The following COL6A2 variants were observed in gnomAD, a reference collection of about 807,000 sequenced individuals.
The protein encoded by COL6A2 is collagen type VI alpha 2 chain, also known as collagen alpha-2(VI) chain.
COL6A2 carries 90 observed loss-of-function variants against 124.9 expected under a neutral mutation model. The ratio of observed to expected loss-of-function variants is 0.72; its 90% confidence interval spans 0.61 to 0.86. The LOEUF is 0.86. Ranked by LOEUF, COL6A2 falls within the 40% of genes least tolerant of loss-of-function variation. The probability of loss-of-function intolerance (pLI) is 0.00; values close to 1 mark genes in which losing one functional copy is unlikely to be tolerated. For missense variants in COL6A2, 1,607 were observed against 1,502.5 expected (o/e 1.07, Z -1.15); for synonymous variants, 793 against 618.2 (o/e 1.28, Z -4.19).
chr21:46,099,911 T>TTTTTTTTC (rs2078270769), intron 1 of COL6A2, among the ~76,000 whole-genome samples: 1 of 141,438 alleles, frequency 7.1e-6, no homozygotes, highest in South Asian at 2.2e-4. Flanking sequence ...TTTTTTTTTT[T>TTTTTTTTC]TCTCATTTCA....
Position 46,126,048 on chromosome 21 carries a change from C to A in COL6A2, c.2233C>A (p.Arg745=), listed in dbSNP as rs140643748. 6.2e-7 allele frequency: 1 copy of A among 1,613,036 alleles called. No individual in the cohort carries two copies. The highest frequency in any genetic ancestry group is 1.3e-5 in the African/African-American group (1 of 75,048). The change falls in exon 26 of 28, where the codon CGG becomes AGG. Residue 745 remains arginine (R), a synonymous_variant. Coordinates refer to ENST00000300527, the MANE Select transcript of COL6A2 (RefSeq NM_001849.4). Reference sequence around the variant, plus strand: ...CCCTCGGGACGATGACCTCAACTTGCGGGCGCTGTGCGACCGCGACGTCAC... The same window carrying A: ...CCCTCGGGACGATGACCTCAACTTGAGGGCGCTGTGCGACCGCGACGTCAC... The part of the protein sequence containing the change: ...HDPRDDDLNL[R]ALCDRDVTVT...
intron 1 of COL6A2, among the ~76,000 whole-genome samples, chr21:46,108,003 T>C (rs2078352870): frequency 6.6e-6 from 1 of 152,166 alleles, no homozygotes; most frequent in Non-Finnish European, 1.5e-5. Context: ...TTGACTCTTT[T>C]CATCAATGAT....
intron 21 of COL6A2, among the ~76,000 whole-genome samples, chr21:46,124,296 G>A (rs1480329673): frequency 6.7e-6 from 1 of 148,156 alleles, no homozygotes; most frequent in African/African-American, 2.5e-5. Context: ...TGGGTGATTG[G>A]GCGAATGGGC....
chr21:46,132,608 T>G lies in COL6A2; in HGVS notation c.*56T>G, dbSNP rs148337125. 33,773 of 1,504,362 alleles carry G rather than the reference T, an allele frequency of 0.022. 463 individuals are homozygous for G. Among genetic ancestry groups the G allele is most frequent in the Non-Finnish European group, 0.025 (28,148 of 1,113,786 alleles). 93.2% of individuals were successfully genotyped at this position (1,504,362 alleles called of 1,614,324 possible). A position where few individuals can be genotyped will look rare whatever the true frequency, so the allele number is the denominator to read the frequency against. ...CGTGAGCCCACCCCGTCCATGGTGC[T>G]AAGCGGGCCCGGGTCCCACACGGCC... On this transcript the variant is annotated 3_prime_UTR_variant, in exon 28 of 28. Coordinates refer to ENST00000300527, the MANE Select transcript of COL6A2 (RefSeq NM_001849.4).
At position 46,132,118 on chromosome 21, in the gene COL6A2, C is replaced by T. The variant is rs387906608; in HGVS notation, c.2626C>T (p.Arg876Cys). 31 of 1,583,324 alleles carry T rather than the reference C, an allele frequency of 2.0e-5. No homozygotes were observed. The highest frequency in any genetic ancestry group is 1.0e-4 in the South Asian group (9 of 87,822). ...ARRDDDPLNA[R>C]VALLQFGGPG... ...GAGGGACGACGACCCTCTCAACGCA[C>T]GCGTGGCGCTGCTGCAGTTTGGTGG... Residue 876 changes from arginine (R) to cysteine (C), a missense_variant, in exon 28 of 28, where the codon CGC becomes TGC. Arg to Cys is a radical substitution (Grantham distance 180, BLOSUM62 -3). Transcript: ENST00000300527.
At chr21:46,121,193 A>G in intron 17 of COL6A2, 70 bp downstream of exon 17, 1 of 1,465,116 alleles carries the variant, frequency 6.8e-7, no homozygotes, top group South Asian at 1.1e-5. Flanking sequence ...ATGTGGGGAC[A>G]GCCTGGAGCT....
chr21:46,125,123 G>A, intron 23 of COL6A2, 143 bp from the exon 24 acceptor site: 2 of 1,035,760 alleles, frequency 1.9e-6, no homozygotes, highest in East Asian at 2.4e-5. Context: ...AGCGAGGTTG[G>A]TAGGGACAGG....
At chr21:46,129,616 C>T (rs1468741401) in intron 27 of COL6A2, 1 of 1,431,946 alleles carries the variant, frequency 7.0e-7, no homozygotes, top group Non-Finnish European at 9.1e-7. Context: ...GGGCTACAGT[C>T]CTTCCAGGGG....
intron 1 of COL6A2, among the ~76,000 whole-genome samples, chr21:46,102,073 C>A (rs940001813): frequency 7.9e-5 from 12 of 152,012 alleles, no homozygotes; most frequent in Admixed American, 3.9e-4. Flanking sequence ...TCTTCAATTT[C>A]TTTCAGAAAT....
chr21:46,118,947 G>A (rs2078518388), intron 13 of COL6A2, 83 bp from the exon 14 acceptor site: 4 of 1,141,782 alleles, frequency 3.5e-6, no homozygotes, highest in Non-Finnish European at 5.3e-6. Context: ...GATAATAGGG[G>A]CTCCACACCA....
In COL6A2 at chr21:46,116,928, C is replaced by CACACACACAG. The variant is rs2078481577; in HGVS notation, c.999+123_999+124insGACACACACA. ...GCTTACACATGTGTACACACGCATA[C>CACACACACAG]ACACACACACACACACACACACACA... On this transcript the variant is annotated intron_variant, in intron 10 of 27. Coordinates refer to ENST00000300527, the MANE Select transcript of COL6A2 (RefSeq NM_001849.4). The surrounding 1 kb of genome is among the most constrained non-coding windows in gnomAD (Gnocchi z 4.6). 1 of 440,148 alleles carries CACACACACAG rather than the reference C, an allele frequency of 2.3e-6. No homozygotes were observed. The highest frequency in any genetic ancestry group is 3.7e-6 in the Non-Finnish European group (1 of 273,210). The allele number at this position is 440,148 out of a possible 1,614,324, so 27.3% of individuals were successfully genotyped here.
At chr21:46,115,754 T>A (rs1331663794) in intron 5 of COL6A2, 118 bp from the exon 6 acceptor site, 27 of 912,014 alleles carry the variant, frequency 3.0e-5, no homozygotes, top group Non-Finnish European at 4.0e-5. Context: ...ACTTCTCCAC[T>A]TGGGCAGGGG....
At chr21:46,120,664 T>TGGGCC in intron 16 of COL6A2, 87 bp downstream of exon 16, 1 of 1,268,754 alleles carries the variant, frequency 7.9e-7, no homozygotes, top group Non-Finnish European at 1.1e-6. Context: ...TGGCCGGGAC[T>TGGGCC]GCACCCCAAG....
chr21:46,121,210 T>TG, intron 17 of COL6A2, 87 bp downstream of exon 17: 4 of 1,335,528 alleles, frequency 3.0e-6, no homozygotes, highest in Non-Finnish European at 4.3e-6. Flanking sequence ...AGCTAGCCAC[T>TG]GTCCCCATAG....
At position 46,124,570 on chromosome 21, in the gene COL6A2, G is replaced by A. The variant is rs1442823424; in HGVS notation, c.1672-81G>A. The A allele has an allele frequency of 3.4e-5, 47 of 1,362,626 alleles. No individual in the cohort carries two copies. In the East Asian group the frequency reaches 6.7e-4, roughly 19 times the overall value. The allele number at this position is 1,362,626 out of a possible 1,614,324, so 84.4% of individuals were successfully genotyped here. A position where few individuals can be genotyped will look rare whatever the true frequency, so the allele number is the denominator to read the frequency against. On this transcript the variant is annotated intron_variant, in intron 21 of 27. Coordinates refer to ENST00000300527, the MANE Select transcript of COL6A2 (RefSeq NM_001849.4). ...CCCCGCCAAGGGAGGACCCGTGGTT[G>A]GGGACAGCACAGGGGGCCCTGCTGT... is the stretch of plus-strand genomic sequence containing the variant.
intron 1 of COL6A2, among the ~76,000 whole-genome samples, chr21:46,110,166 G>T (rs544018858): frequency 6.6e-6 from 1 of 152,134 alleles, no homozygotes; most frequent in Non-Finnish European, 1.5e-5. Flanking sequence ...CACCCGGCCC[G>T]GCCCCATGGC....
chr21:46,113,331 C>T (rs1195468936), intron 4 of COL6A2, among the ~76,000 whole-genome samples: 11 of 152,158 alleles, frequency 7.2e-5, no homozygotes, highest in Admixed American at 6.5e-4. Flanking sequence ...TGGTGCCTCC[C>T]TCACCAGTGC....
chr21:46,123,694 TA>T (rs1234264874), intron 21 of COL6A2, among the ~76,000 whole-genome samples: 3 of 78,534 alleles, frequency 3.8e-5, no homozygotes, highest in Non-Finnish European at 8.3e-5. Context: ...AGTAGGTGGG[TA>T]GGTGGGTAGA....
At position 46,129,956 on chromosome 21, in the gene COL6A2, G is replaced by A. The variant is rs1230181771; in HGVS notation, c.2462-1998G>A. Reference sequence around the variant, plus strand: ...GGGAGGGTGCTGCCCAGGTGCTGGAGGATGTTCCAGCACCAGGTTCCAGCG... The same window carrying A: ...GGGAGGGTGCTGCCCAGGTGCTGGAAGATGTTCCAGCACCAGGTTCCAGCG... On this transcript the variant is annotated intron_variant, in intron 27 of 27. Transcript: ENST00000300527. 2.0e-5 allele frequency: 12 copies of A among 605,038 alleles called. No individual in the cohort carries two copies. In the East Asian group the frequency reaches 5.5e-4, roughly 28 times the overall value. 37.5% of individuals were successfully genotyped at this position (605,038 alleles called of 1,614,324 possible). A position where few individuals can be genotyped will look rare whatever the true frequency, so the allele number is the denominator to read the frequency against.
Sources: gnomAD v4.1 joint callset for allele counts (sites outside exome capture counted in the v4.1 genomes callset) on GRCh38, gnomAD v4.1.1 for gene constraint, Gnocchi (gnomAD v3.1) non-coding constraint, MANE v1.5 for transcripts, NCBI Gene and HGNC (gene_info 2026-07-23, HGNC 2026-07-21) for gene names.